CFTR: variants seen among roughly 807,000 people sequenced by gnomAD.
CFTR encodes cystic fibrosis transmembrane conductance regulator.
In CFTR, 181 loss-of-function variants were observed where a neutral mutation model predicts 171.6. The observed-to-expected ratio is 1.05, with a 90% CI of 0.93 to 1.19. The LOEUF is 1.19. Ranked by LOEUF, CFTR falls within the 50% of genes most tolerant of loss-of-function variation. The pLI, the probability that CFTR is intolerant of heterozygous loss-of-function variation, is 0.00. For missense variants in CFTR, 1,968 were observed against 1,734.7 expected (o/e 1.13, Z -2.39); for synonymous variants, 583 against 608.0 (o/e 0.96, Z 0.60).
chr7:117,538,845 A>G (rs1388909870), intron 7 of CFTR, among the ~76,000 whole-genome samples: 2 of 152,238 alleles, frequency 1.3e-5, no homozygotes, highest in Non-Finnish European at 2.9e-5. Flanking sequence ...ATTGGTAAAC[A>G]TTAGACCTAA....
intron 2 of CFTR, 115 bp downstream of exon 2, chr7:117,504,478 G>A (rs1430015591): frequency 1.5e-6 from 1 of 686,556 alleles, no homozygotes; most frequent in Non-Finnish European, 2.6e-6. Context: ...TAGGAGCCAA[G>A]TATGGTGGCT....
chr7:117,641,595 C>T (rs1162350361), intron 22 of CFTR, among the ~76,000 whole-genome samples: 2 of 152,146 alleles, frequency 1.3e-5, no homozygotes, highest in African/African-American at 4.8e-5. Flanking sequence ...CAGTTAATGA[C>T]TGCAGTAGTG....
At chr7:117,633,125 G>A (rs1792775470) in intron 22 of CFTR, among the ~76,000 whole-genome samples, 1 of 152,162 alleles carries the variant, frequency 6.6e-6, no homozygotes, top group African/African-American at 2.4e-5. Context: ...TCTTGACAAT[G>A]TTGAAGCTTC....
At chr7:117,528,463 T>A (rs1354439323) in intron 3 of CFTR, among the ~76,000 whole-genome samples, 1 of 119,424 alleles carries the variant, frequency 8.4e-6, no homozygotes, top group African/African-American at 3.0e-5. Flanking sequence ...GGGCAAGGAC[T>A]TCATGTCCAA....
chr7:117,535,234 C>A lies in CFTR; in HGVS notation c.580-14C>A. On this transcript the variant is annotated splice_polypyrimidine_tract_variant and intron_variant, in intron 5 of 26. Transcript: ENST00000003084. ...TACAATGACACCTGTTTTTGCTGTG[C>A]TTTTATTTTCCAGGGACTTGCATTG... 4 of 1,613,894 alleles carry A rather than the reference C, an allele frequency of 2.5e-6. No individual in the cohort carries two copies. The highest frequency in any genetic ancestry group is 3.4e-6 in the Non-Finnish European group (4 of 1,179,860).
At chr7:117,494,653 GTATC>G (rs1266644533) in intron 1 of CFTR, among the ~76,000 whole-genome samples, 84 of 152,232 alleles carry the variant, frequency 5.5e-4, no homozygotes, top group African/African-American at 2.0e-3. Context: ...CCTAGTGATG[GTATC>G]TGAACAAGCT....
chr7:117,567,155 G>A (rs1003246694), intron 11 of CFTR, among the ~76,000 whole-genome samples: 13 of 152,144 alleles, frequency 8.5e-5, no homozygotes, highest in African/African-American at 2.2e-4. Context: ...ATATATGCCC[G>A]ATGTTTCGAC....
intron 1 of CFTR, among the ~76,000 whole-genome samples, chr7:117,492,466 T>A (rs35508774): frequency 0.014 from 2,185 of 152,168 alleles, 53 homozygotes; most frequent in African/African-American, 0.05. Context: ...AATTAATTGA[T>A]TGACCCATTA....
At chr7:117,658,289 T>C (rs1793213103) in intron 24 of CFTR, among the ~76,000 whole-genome samples, 1 of 152,118 alleles carries the variant, frequency 6.6e-6, no homozygotes, top group South Asian at 2.1e-4. Context: ...TTGGTAGGAT[T>C]GTTGTGACTT....
intron 11 of CFTR, among the ~76,000 whole-genome samples, chr7:117,573,042 C>T (rs1056073064): frequency 6.9e-6 from 1 of 145,164 alleles, no homozygotes; most frequent in Non-Finnish European, 1.6e-5. Context: ...CCCTTTCTCT[C>T]TCTCTCTCTC....
chr7:117,539,518 G>C (rs1484278694), intron 7 of CFTR, among the ~76,000 whole-genome samples: 1 of 151,580 alleles, frequency 6.6e-6, no homozygotes, highest in African/African-American at 2.4e-5. Flanking sequence ...TATTTAAAAA[G>C]CATCTCAGGT....
At chr7:117,483,499 TA>T (rs1226573816) in intron 1 of CFTR, among the ~76,000 whole-genome samples, 2 of 152,216 alleles carry the variant, frequency 1.3e-5, no homozygotes, top group Non-Finnish European at 2.9e-5. Context: ...AGCCAAGTGC[TA>T]CCTAATTTTA....
At chr7:117,615,696 T>C (rs1017835159) in intron 21 of CFTR, among the ~76,000 whole-genome samples, 1 of 151,904 alleles carries the variant, frequency 6.6e-6, no homozygotes, top group Non-Finnish European at 1.5e-5. Context: ...GCTTATGTGC[T>C]AATACCATAT....
At chr7:117,547,220 C>T (rs183049714) in intron 9 of CFTR, among the ~76,000 whole-genome samples, 1 of 152,132 alleles carries the variant, frequency 6.6e-6, no homozygotes, top group African/African-American at 2.4e-5. Flanking sequence ...ATTTTGAAAA[C>T]CTATGTACCC....
chr7:117,532,739 T>G (rs1366805868), intron 4 of CFTR, among the ~76,000 whole-genome samples: 1 of 152,174 alleles, frequency 6.6e-6, no homozygotes, highest in Non-Finnish European at 1.5e-5. Context: ...CTGTCTTCCT[T>G]TCTCAATGTT....
rs563148024 is a variant in CFTR at position 117,534,369 on chromosome 7, T to C, written c.579+4T>C. ...CAACCTGAACAAATTTGATGAAGTA[T>C]GTACCTATTGATTTAATCTTTTAGG... On this transcript the variant is annotated splice_donor_region_variant and intron_variant, in intron 5 of 26. Coordinates refer to ENST00000003084, the MANE Select transcript of CFTR (RefSeq NM_000492.4). The C allele has an allele frequency of 1.4e-6, 2 of 1,458,164 alleles. No homozygotes were observed. Among genetic ancestry groups the C allele is most frequent in the African/African-American group, 2.8e-5 (2 of 71,762 alleles). The allele number at this position is 1,458,164 out of a possible 1,614,324, so 90.3% of individuals were successfully genotyped here. A position where few individuals can be genotyped will look rare whatever the true frequency, so the allele number is the denominator to read the frequency against.
At chr7:117,542,573 A>T (rs1222647660) in intron 9 of CFTR, among the ~76,000 whole-genome samples, 1 of 152,136 alleles carries the variant, frequency 6.6e-6, no homozygotes, top group Non-Finnish European at 1.5e-5. Context: ...AAAAATAAAA[A>T]TAAAAAGAAG....
intron 11 of CFTR, among the ~76,000 whole-genome samples, chr7:117,583,832 A>T (rs1464546659): frequency 6.6e-6 from 1 of 152,092 alleles, no homozygotes; most frequent in Admixed American, 6.6e-5. Flanking sequence ...CCATGCCAAC[A>T]TCTATTATTT....
chr7:117,664,924 T>C, intron 25 of CFTR, 64 bp downstream of exon 25: 1 of 1,523,778 alleles, frequency 6.6e-7, no homozygotes, highest in South Asian at 1.1e-5. Flanking sequence ...GCCTGCTTCA[T>C]GGTGACACAT....
Sources: gnomAD v4.1 joint callset for allele counts (sites outside exome capture counted in the v4.1 genomes callset) on GRCh38, gnomAD v4.1.1 for gene constraint, MANE v1.5 for transcripts, NCBI Gene and HGNC (gene_info 2026-07-23, HGNC 2026-07-21) for gene names.